Variants in YTHDC2 observed in about 807,000 individuals in gnomAD.
YTHDC2 encodes YTH N6-methyladenosine RNA binding protein C2, also known as 3'-5' RNA helicase YTHDC2.
A neutral mutation model predicts 174.9 loss-of-function variants in YTHDC2; 45 were observed. The observed-to-expected ratio is 0.26, with a 90% CI of 0.20 to 0.33. YTHDC2 has a LOEUF of 0.33. Among genes scored for constraint, YTHDC2 ranks in the 10% least tolerant of loss-of-function variants. The probability of loss-of-function intolerance (pLI) is 1.00; values close to 1 mark genes in which losing one functional copy is unlikely to be tolerated. For synonymous variants in YTHDC2, 657 were observed against 574.5 expected, an observed-to-expected ratio of 1.14 and a Z score of -2.05; for missense variants, 1,650 against 1,723.7, an observed-to-expected ratio of 0.96 and a Z score of 0.76.
intron 6 of YTHDC2, among the ~76,000 whole-genome samples, chr5:113,534,678 T>G (rs548661492): frequency 6.1e-4 from 93 of 152,220 alleles, no homozygotes; most frequent in African/African-American, 2.1e-3. Context: ...TTAAAAAATG[T>G]GCTTTTCATA....
rs761051724 is a variant in YTHDC2, at chr5:113,553,592, G to A, written c.1870G>A (p.Ala624Thr). The A allele has an allele frequency of 5.0e-6, 8 of 1,613,066 alleles. No homozygotes were observed. Among genetic ancestry groups the A allele is most frequent in the Non-Finnish European group, 5.9e-6 (7 of 1,179,294 alleles). The change falls in exon 14 of 30, where the codon GCA becomes ACA. Residue 624 changes from alanine (A) to threonine (T), a missense_variant and splice_region_variant. By Grantham distance (58) the Ala-to-Thr change is moderately conservative (BLOSUM62 0). This residue lies in a region of YTHDC2 where 17 missense variants were observed against 37.3 expected (regional missense o/e 0.46). Transcript: ENST00000161863. ...TTAAAAAGTCATTCTTCTCCAAGGT[G>A]CAGTACTAATTTTTCTGCCTGGATA... ...YNICHSCDAGAVLIFLPGYDE... is the reference protein window; with the variant it reads ...YNICHSCDAGTVLIFLPGYDE...
chr5:113,548,990 C>G lies in YTHDC2; in HGVS notation c.1658C>G (p.Thr553Ser). Residue 553 changes from threonine to serine, a missense_variant, in exon 12 of 30, where the codon ACT (threonine) becomes AGT (serine). Around this residue, in one of 5 missense-constraint regions of YTHDC2, gnomAD observed 411 missense variants for 380.6 expected, o/e 1.08. Coordinates refer to ENST00000161863, the MANE Select transcript of YTHDC2 (RefSeq NM_022828.5). The part of the protein sequence containing the change: ...ALDWAKHFGQ[T>S]EIVDLLESYS... ...GATTGGGCTAAACACTTTGGGCAGA[C>G]TGAAATTGTGGATCTTCTAGAATCT... 6.2e-7 allele frequency: 1 copy of G among 1,613,078 alleles called. No individual in the cohort carries two copies.
Position 113,539,193 on chromosome 5 carries a change from AATAAAAGAAAT to A in YTHDC2, c.1210+24_1210+34del, listed in dbSNP as rs373302499. ...GGAAAAACAGCAAGGTAAATTTTTT[AATAAAAGAAAT>A]ATAAAAGAAATTACTATTGATAATG... On this transcript the variant is annotated intron_variant, in intron 8 of 29. Transcript: ENST00000161863. 1,185 of 1,146,674 alleles carry A rather than the reference AATAAAAGAAAT, an allele frequency of 1.0e-3. 14 individuals carry two copies. The African/African-American group carries it at 0.017, about 17-fold the overall frequency. The allele number at this position is 1,146,674 out of a possible 1,614,324, so 71.0% of individuals were successfully genotyped here.
At chr5:113,560,838 A>G (rs1341963859) in intron 17 of YTHDC2, among the ~76,000 whole-genome samples, 2 of 152,182 alleles carry the variant, frequency 1.3e-5, no homozygotes, top group South Asian at 2.1e-4. Flanking sequence ...GATTTTTACC[A>G]TAACCCTACA....
At chr5:113,571,726 T>C (rs1383389579) in intron 23 of YTHDC2, among the ~76,000 whole-genome samples, 1 of 152,224 alleles carries the variant, frequency 6.6e-6, no homozygotes, top group African/African-American at 2.4e-5. Flanking sequence ...TCCAGGAATC[T>C]ACCTCTTTCT....
intron 23 of YTHDC2, among the ~76,000 whole-genome samples, chr5:113,571,340 G>A (rs567213533): frequency 6.6e-6 from 1 of 152,294 alleles, no homozygotes; most frequent in South Asian, 2.1e-4. Context: ...ACTTGATTGT[G>A]GTGGACAAGC....
At chr5:113,518,463 A>G (rs903996588) in intron 2 of YTHDC2, among the ~76,000 whole-genome samples, 31 of 151,996 alleles carry the variant, frequency 2.0e-4, no homozygotes, top group African/African-American at 7.3e-4. Context: ...TGGCCTCCCA[A>G]AGTACTAAGA....
chr5:113,533,434 A>G (rs1774828897), intron 5 of YTHDC2, among the ~76,000 whole-genome samples: 1 of 151,986 alleles, frequency 6.6e-6, no homozygotes, highest in Non-Finnish European at 1.5e-5. Context: ...CTGTAATCCC[A>G]GCTACTCGGG....
chr5:113,536,265 C>A (rs1427464879), intron 7 of YTHDC2, among the ~76,000 whole-genome samples: 1 of 152,342 alleles, frequency 6.6e-6, no homozygotes, highest in Non-Finnish European at 1.5e-5. Context: ...GGGGCTCACG[C>A]CTGTAATCCC....
intron 25 of YTHDC2, chr5:113,582,599 A>T (rs77449373): frequency 1.3e-5 from 2 of 152,164 alleles, no homozygotes; most frequent in African/African-American, 4.8e-5. Context: ...AGTTTTGGCA[A>T]TACTGGTAGA....
intron 23 of YTHDC2, among the ~76,000 whole-genome samples, chr5:113,570,477 G>T (rs1025683672): frequency 3.3e-5 from 5 of 152,046 alleles, no homozygotes; most frequent in Non-Finnish European, 7.4e-5. Flanking sequence ...CTTGCCTGTT[G>T]TTGGTATATA....
intron 5 of YTHDC2, among the ~76,000 whole-genome samples, chr5:113,533,803 C>T (rs1241555640): frequency 1.3e-5 from 2 of 152,048 alleles, no homozygotes; most frequent in Admixed American, 6.6e-5. Flanking sequence ...CAACATGACA[C>T]TCAAAGGAAA....
At chr5:113,565,713 A>T in intron 20 of YTHDC2, 180 bp from the exon 21 acceptor site, 2 of 552,670 alleles carry the variant, frequency 3.6e-6, no homozygotes, top group Non-Finnish European at 5.6e-6. Flanking sequence ...TGGCTTTTTT[A>T]GCATTTGAGT....
chr5:113,589,742 G>A (rs13172774), intron 26 of YTHDC2, among the ~76,000 whole-genome samples: 11,800 of 151,840 alleles, frequency 0.078, 659 homozygotes, highest in Non-Finnish European at 0.1. Context: ...CCTAAAAAAA[G>A]TTAATAATAT....
intron 9 of YTHDC2, 70 bp from the exon 10 acceptor site, chr5:113,542,298 C>T: frequency 1.3e-6 from 2 of 1,508,818 alleles, no homozygotes; most frequent in Non-Finnish European, 1.8e-6. Context: ...CCATTGTGGC[C>T]ATCTTATGTT....
At chr5:113,515,167 A>C (rs1773318496) in intron 1 of YTHDC2, 105 bp from the exon 2 acceptor site, 1 of 669,228 alleles carries the variant, frequency 1.5e-6, no homozygotes, top group Non-Finnish European at 2.5e-6. Context: ...AAGTATAATA[A>C]ATTTGATTGT....
At chr5:113,590,465 T>G (rs1778947243) in intron 26 of YTHDC2, among the ~76,000 whole-genome samples, 1 of 152,208 alleles carries the variant, frequency 6.6e-6, no homozygotes, top group Non-Finnish European at 1.5e-5. Context: ...TTTGGATCTT[T>G]CCCTAGCCTT....
At chr5:113,516,480 A>G (rs868556684) in intron 2 of YTHDC2, among the ~76,000 whole-genome samples, 1 of 152,172 alleles carries the variant, frequency 6.6e-6, no homozygotes, top group Non-Finnish European at 1.5e-5. Context: ...AATGTAAAGG[A>G]AGCTTTCTCA....
Position 113,513,840 on chromosome 5 carries a change from G to T in YTHDC2, c.-56G>T, listed in dbSNP as rs1476765357. ...CGGATTCCCACGGTCTTTGTCATTG[G>T]CTGTCAGCTAGCAGGCCTGGCCGCT... On this transcript the variant is annotated 5_prime_UTR_variant, in exon 1 of 30. Coordinates refer to ENST00000161863, the MANE Select transcript of YTHDC2 (RefSeq NM_022828.5). 1.7e-5 allele frequency: 26 copies of T among 1,513,878 alleles called. No homozygotes were observed. Among genetic ancestry groups the T allele is most frequent in the Non-Finnish European group, 2.2e-5 (25 of 1,134,682 alleles). The allele number at this position is 1,513,878 out of a possible 1,614,324, so 93.8% of individuals were successfully genotyped here.
Sources: allele counts gnomAD v4.1 joint callset (sites outside exome capture counted in the v4.1 genomes callset), GRCh38; gene constraint gnomAD v4.1.1; regional missense constraint gnomAD v4.1.1; transcripts MANE v1.5; gene names NCBI Gene and HGNC (gene_info 2026-07-23, HGNC 2026-07-21).